The following ACAP2 variants were observed in gnomAD, a reference collection of about 807,000 sequenced individuals.
ACAP2 encodes the protein ArfGAP with coiled-coil, ankyrin repeat and PH domains 2.
ACAP2 carries 39 observed loss-of-function variants against 115.8 expected under a neutral mutation model. The ratio of observed to expected loss-of-function variants is 0.34; its 90% CI spans 0.26 to 0.44. The LOEUF is 0.44. Ranked by LOEUF, ACAP2 falls within the 20% of genes least tolerant of loss-of-function variation. ACAP2 has a pLI of 1.00. For missense variants in ACAP2, 662 were observed against 927.6 expected (o/e 0.71, Z 3.72); for synonymous variants, 289 against 315.8 (o/e 0.92, Z 0.90).
At chr3:195,415,411 G>A (rs1459252531) in intron 1 of ACAP2, among the ~76,000 whole-genome samples, 2 of 151,854 alleles carry the variant, frequency 1.3e-5, no homozygotes, top group African/African-American at 2.4e-5. Context: ...CGAGTAACTG[G>A]GACTACGGGC....
intron 19 of ACAP2, 22 bp from the exon 20 acceptor site, chr3:195,291,837 AC>A: frequency 6.3e-7 from 1 of 1,575,594 alleles, no homozygotes; most frequent in Non-Finnish European, 8.6e-7. Flanking sequence ...AAAGAGGATA[AC>A]TATAGACAAA....
chr3:195,390,419 T>C (rs1197179217), intron 2 of ACAP2, among the ~76,000 whole-genome samples: 1 of 152,160 alleles, frequency 6.6e-6, no homozygotes, highest in Non-Finnish European at 1.5e-5. Context: ...AAATAACTTA[T>C]CTCTAAACAT....
intron 9 of ACAP2, among the ~76,000 whole-genome samples, chr3:195,322,652 C>G (rs564571554): frequency 6.6e-6 from 1 of 152,112 alleles, no homozygotes; most frequent in East Asian, 1.9e-4. Context: ...TTATTTGACG[C>G]TACAATTTAT....
chr3:195,434,255 C>T (rs149174849), intron 1 of ACAP2, among the ~76,000 whole-genome samples: 113 of 151,492 alleles, frequency 7.5e-4, no homozygotes, highest in African/African-American at 2.5e-3. Flanking sequence ...TTTTTTGAGA[C>T]AGGATCTTGC....
rs76289627 is a variant in ACAP2, at chr3:195,428,242, T to G, written c.53+14553A>C. Among the ~76,000 whole-genome samples the G allele has an allele frequency of 3.5e-3, 526 of 150,790 alleles. 2 individuals are homozygous for G. The highest frequency in any genetic ancestry group is 0.012 in the African/African-American group (489 of 41,146). ...ATATGTATGTATATATGCAGTCATA[T>G]ATATAGGTATATATATTATATAGAT... On this transcript the variant is annotated intron_variant, in intron 1 of 22. Coordinates refer to ENST00000326793, the MANE Select transcript of ACAP2 (RefSeq NM_012287.6).
At chr3:195,414,108 G>T (rs912896967) in intron 1 of ACAP2, among the ~76,000 whole-genome samples, 7 of 152,188 alleles carry the variant, frequency 4.6e-5, no homozygotes, top group African/African-American at 1.7e-4. Flanking sequence ...TAAACAAGGA[G>T]AAACCACTAC....
intron 7 of ACAP2, among the ~76,000 whole-genome samples, chr3:195,335,552 G>A (rs1287239692): frequency 6.6e-6 from 1 of 151,970 alleles, no homozygotes; most frequent in East Asian, 1.9e-4. Context: ...GCTTCCCCTT[G>A]GTAGCAGAAT....
At chr3:195,374,474 A>T (rs951241452) in intron 4 of ACAP2, among the ~76,000 whole-genome samples, 2 of 152,208 alleles carry the variant, frequency 1.3e-5, no homozygotes, top group Non-Finnish European at 2.9e-5. Flanking sequence ...CATTTTATGA[A>T]TGATTGCCTC....
At chr3:195,371,959 C>CA (rs1256928344) in intron 4 of ACAP2, among the ~76,000 whole-genome samples, 5 of 152,132 alleles carry the variant, frequency 3.3e-5, no homozygotes, top group African/African-American at 9.7e-5. Flanking sequence ...ACGCCCAGCC[C>CA]AAAATCCTTA....
At chr3:195,316,436 C>T (rs1729098162) in intron 10 of ACAP2, among the ~76,000 whole-genome samples, 1 of 152,072 alleles carries the variant, frequency 6.6e-6, no homozygotes, top group African/African-American at 2.4e-5. Flanking sequence ...CTCACTGTGT[C>T]GCCCAGACTG....
At position 195,399,607 on chromosome 3, in the gene ACAP2, T is replaced by A. The variant is rs866585246; in HGVS notation, c.54-7460A>T. On this transcript the variant is annotated intron_variant, in intron 1 of 22. Transcript: ENST00000326793. ...CAGTGGGGAAAAAAAAAACTTTTTT[T>A]AAAAAAAGTAGCGAAAAAAAAAATC... Among the ~76,000 whole-genome samples, 75 of 142,300 alleles carry A rather than the reference T, an allele frequency of 5.3e-4. No individual in the cohort carries two copies. The Middle Eastern group carries it at 0.017, about 33-fold the overall frequency. The allele number at this position is 142,300 out of a possible 152,430, so 93.4% of individuals were successfully genotyped here.
intron 4 of ACAP2, among the ~76,000 whole-genome samples, chr3:195,355,480 C>T (rs577870435): frequency 6.6e-6 from 1 of 152,232 alleles, no homozygotes; most frequent in African/African-American, 2.4e-5. Flanking sequence ...AACAGAAAAG[C>T]TAAGGTTCAC....
chr3:195,396,949 T>C (rs1711846812), intron 1 of ACAP2, among the ~76,000 whole-genome samples: 1 of 149,286 alleles, frequency 6.7e-6, no homozygotes, highest in African/African-American at 2.5e-5. Flanking sequence ...TTAAAAAAAA[T>C]TAGGTCACAT....
chr3:195,281,193 C>CA (rs1726480585), intron 22 of ACAP2, among the ~76,000 whole-genome samples: 1 of 152,126 alleles, frequency 6.6e-6, no homozygotes, highest in African/African-American at 2.4e-5. Flanking sequence ...ATCACGAGGT[C>CA]AGGAGATGGA....
At chr3:195,436,901 C>T (rs1256783029) in intron 1 of ACAP2, among the ~76,000 whole-genome samples, 1 of 152,034 alleles carries the variant, frequency 6.6e-6, no homozygotes, top group Admixed American at 6.6e-5. Flanking sequence ...GACCCAGTTG[C>T]ATTACATGAA....
intron 2 of ACAP2, 59 bp from the exon 3 acceptor site, chr3:195,382,081 A>G: frequency 1.3e-6 from 2 of 1,539,840 alleles, no homozygotes; most frequent in South Asian, 1.2e-5. Flanking sequence ...TACTTAGTTG[A>G]ACAAGTGTTG....
At chr3:195,368,940 T>C (rs892567703) in intron 4 of ACAP2, among the ~76,000 whole-genome samples, 2 of 152,202 alleles carry the variant, frequency 1.3e-5, no homozygotes, top group South Asian at 2.1e-4. Flanking sequence ...AAAAATTAGC[T>C]GGGCATGGCG....
intron 10 of ACAP2, among the ~76,000 whole-genome samples, chr3:195,313,941 A>G (rs61638606): frequency 0.012 from 1,754 of 152,322 alleles, 35 homozygotes; most frequent in African/African-American, 0.039. Flanking sequence ...CTTCACTTAT[A>G]TCTTCAGAAA....
chr3:195,382,089 T>C (rs1733983104), intron 2 of ACAP2, 67 bp from the exon 3 acceptor site: 5 of 1,498,614 alleles, frequency 3.3e-6, no homozygotes, highest in Non-Finnish European at 4.5e-6. Flanking sequence ...TGAACAAGTG[T>C]TGGCAGTAAC....
Sources: allele counts gnomAD v4.1 joint callset (sites outside exome capture counted in the v4.1 genomes callset), GRCh38; gene constraint gnomAD v4.1.1; transcripts MANE v1.5; gene names NCBI Gene and HGNC (gene_info 2026-07-23, HGNC 2026-07-21).